The following TASP1 variants were observed in gnomAD, a reference collection of about 807,000 sequenced individuals.
TASP1 encodes the protein threonine aspartase 1.
Under a neutral mutation model 56.6 loss-of-function variants are expected in TASP1, and 16 were observed. The observed-to-expected ratio is 0.28, with a 90% CI of 0.19 to 0.43. The LOEUF (loss-of-function observed/expected upper bound fraction) is 0.43, where lower values mean the gene tolerates loss of function less well. Ranked by LOEUF, TASP1 falls within the 20% of genes least tolerant of loss-of-function variation. TASP1 has a pLI of 1.00. For missense variants in TASP1, 393 were observed against 511.6 expected (o/e 0.77, Z 2.24); for synonymous variants, 179 against 184.2 (o/e 0.97, Z 0.23).
At chr20:13,427,620 A>T (rs2042662359) in intron 12 of TASP1, among the ~76,000 whole-genome samples, 1 of 152,190 alleles carries the variant, frequency 6.6e-6, no homozygotes, top group Admixed American at 6.5e-5. Flanking sequence ...CACAAAGTAA[A>T]GGAGGGAGAA....
chr20:13,381,721 TC>T, the TASP1 span, among the ~76,000 whole-genome samples: 1 of 152,214 alleles, frequency 6.6e-6, no homozygotes, highest in Non-Finnish European at 1.5e-5. Flanking sequence ...GGAGAGGGCA[TC>T]AGTGCTCTTT....
the TASP1 span, among the ~76,000 whole-genome samples, chr20:13,377,040 T>A: frequency 6.6e-6 from 1 of 152,226 alleles, no homozygotes; most frequent in Non-Finnish European, 1.5e-5. Flanking sequence ...TTTGACTTCC[T>A]CTCTTCCTAT....
At chr20:13,221,049 C>T in the TASP1 span, among the ~76,000 whole-genome samples, 16 of 152,108 alleles carry the variant, frequency 1.1e-4, no homozygotes, top group Non-Finnish European at 2.1e-4. Context: ...TGCCCGGGGC[C>T]CCCATCTGGA....
At chr20:13,171,238 T>C in the TASP1 span, among the ~76,000 whole-genome samples, 1 of 152,274 alleles carries the variant, frequency 6.6e-6, no homozygotes, top group Non-Finnish European at 1.5e-5. Context: ...ACACCAGTCT[T>C]TTAAAAAAAC....
downstream of TASP1, among the ~76,000 whole-genome samples, chr20:13,386,508 C>T (rs1445124640): frequency 6.6e-6 from 1 of 151,922 alleles, no homozygotes; most frequent in Admixed American, 6.6e-5. Flanking sequence ...TAAAAGATCC[C>T]ACAATTATTA....
chr20:13,567,428 A>G (rs772183075), intron 7 of TASP1, among the ~76,000 whole-genome samples: 3 of 152,188 alleles, frequency 2.0e-5, no homozygotes, highest in Non-Finnish European at 2.9e-5. Context: ...AAAAGTGTTT[A>G]AAAAATAGGT....
the TASP1 span, among the ~76,000 whole-genome samples, chr20:13,132,328 C>T: frequency 6.6e-6 from 1 of 151,774 alleles, no homozygotes; most frequent in Non-Finnish European, 1.5e-5. Flanking sequence ...AGGAACCCAC[C>T]GCCACGCCCA....
Position 13,510,271 on chromosome 20 carries a change from A to G in TASP1, c.874+18162T>C, listed in dbSNP as rs887641592. ...CTTATTGAACAGAAAGAGTTTATTA[A>G]TTTCCACACTAATTTTGCAAATGAT... On this transcript the variant is annotated intron_variant, in intron 10 of 13. Coordinates refer to ENST00000337743, the MANE Select transcript of TASP1 (RefSeq NM_017714.3). Among the ~76,000 whole-genome samples the G allele has an allele frequency of 3.3e-5, 5 of 152,310 alleles. No individual in the cohort carries two copies. In the East Asian group the frequency reaches 5.8e-4, roughly 18 times the overall value.
chr20:13,253,688 C>T, the TASP1 span, among the ~76,000 whole-genome samples: 2 of 151,994 alleles, frequency 1.3e-5, no homozygotes, highest in Non-Finnish European at 2.9e-5. Context: ...CATTTCCAGG[C>T]GATTCCAACA....
chr20:13,354,636 T>C, the TASP1 span, among the ~76,000 whole-genome samples: 2 of 152,110 alleles, frequency 1.3e-5, no homozygotes, highest in Non-Finnish European at 2.9e-5. Context: ...TTAAAGAACA[T>C]AATCCTACAA....
chr20:13,105,813 T>C, the TASP1 span, among the ~76,000 whole-genome samples: 1 of 152,142 alleles, frequency 6.6e-6, no homozygotes, highest in Non-Finnish European at 1.5e-5. Flanking sequence ...CTTTATTCCA[T>C]TCAGAGGATT....
At chr20:13,443,284 T>A (rs2146247520) in intron 11 of TASP1, among the ~76,000 whole-genome samples, 1 of 152,338 alleles carries the variant, frequency 6.6e-6, no homozygotes, top group South Asian at 2.1e-4. Context: ...AAACATTATT[T>A]ATTCCTCTTA....
chr20:13,342,336 T>C, the TASP1 span, among the ~76,000 whole-genome samples: 1 of 152,234 alleles, frequency 6.6e-6, no homozygotes, highest in African/African-American at 2.4e-5. Context: ...GTTTCTTTCA[T>C]GGAGGAGAAC....
chr20:13,609,793 T>C (rs2048288338), intron 4 of TASP1, among the ~76,000 whole-genome samples: 1 of 150,392 alleles, frequency 6.6e-6, no homozygotes, highest in South Asian at 2.1e-4. Flanking sequence ...GTTACTCAAA[T>C]ACCTATACAA....
intron 10 of TASP1, among the ~76,000 whole-genome samples, chr20:13,513,797 C>CATTGCTTATGCTT (rs1189908942): frequency 2.6e-5 from 4 of 152,010 alleles, no homozygotes; most frequent in Non-Finnish European, 5.9e-5. Flanking sequence ...TCCAGGACTA[C>CATTGCTTATGCTT]ATTGCTTATG....
At position 13,538,592 on chromosome 20, in the gene TASP1, T is replaced by C. The variant is rs1345420209; in HGVS notation, c.676-4451A>G. 2.0e-5 allele frequency among the ~76,000 whole-genome samples: 3 copies of C among 152,238 alleles called. No individual in the cohort carries two copies. In the East Asian group the frequency reaches 5.8e-4, roughly 29 times the overall value. On this transcript the variant is annotated intron_variant, in intron 8 of 13. Transcript: ENST00000337743. ...ATACCCTAACATGACAGTACAATAA[T>C]GCCATCATAAAGCTTTCACATCTCT...
chr20:13,182,315 G>A, the TASP1 span, among the ~76,000 whole-genome samples: 2 of 152,246 alleles, frequency 1.3e-5, no homozygotes, highest in Admixed American at 6.5e-5. Context: ...TACCTGGCAT[G>A]TAGTAATTAA....
intron 11 of TASP1, among the ~76,000 whole-genome samples, chr20:13,454,935 A>C (rs1054339988): frequency 6.6e-6 from 1 of 152,118 alleles, no homozygotes; most frequent in African/African-American, 2.4e-5. Flanking sequence ...GCCTAGGAAG[A>C]CTTCACCAGA....
chr20:13,508,000 C>T (rs944137135), intron 10 of TASP1, among the ~76,000 whole-genome samples: 23 of 152,108 alleles, frequency 1.5e-4, no homozygotes, highest in African/African-American at 4.8e-4. Flanking sequence ...CTTCAAAAAT[C>T]GGGTTGAAAA....
Sources: gnomAD v4.1 joint callset for allele counts (sites outside exome capture counted in the v4.1 genomes callset) on GRCh38, gnomAD v4.1.1 for gene constraint, MANE v1.5 for transcripts, NCBI Gene and HGNC (gene_info 2026-07-23, HGNC 2026-07-21) for gene names.